KCNQ1OT1: variants seen among roughly 807,000 people sequenced by gnomAD.
KCNQ1OT1 encodes the protein KCNQ1 opposite strand/antisense transcript 1, also known as KCNQ1 antisense RNA 2 (non-protein coding).
chr11:2,684,932 A>G, exon 1 of KCNQ1OT1: 1 of 398,692 alleles, frequency 2.5e-6, no homozygotes, highest in East Asian at 3.6e-5. Context: ...TGATCCATGC[A>G]GCATGTTATC....
chr11:2,684,272 G>T (rs565485755), exon 1 of KCNQ1OT1: 13 of 398,582 alleles, frequency 3.3e-5, no homozygotes, highest in African/African-American at 1.8e-4. Context: ...CAAAAGGGGA[G>T]TTGGTTAGGC....
exon 1 of KCNQ1OT1, chr11:2,616,546 ACTT>A: frequency 2.5e-6 from 1 of 397,800 alleles, no homozygotes; most frequent in Non-Finnish European, 4.4e-6. Flanking sequence ...TCCTCTGAGC[ACTT>A]CTTTCACTAC....
At chr11:2,692,476 G>C (rs1850605168) in exon 1 of KCNQ1OT1, 1 of 398,710 alleles carries the variant, frequency 2.5e-6, no homozygotes, top group East Asian at 3.6e-5. Flanking sequence ...CTGCCTTTCT[G>C]GTAGTTCAGA....
chr11:2,628,284 C>A, exon 1 of KCNQ1OT1: 1 of 398,584 alleles, frequency 2.5e-6, no homozygotes, highest in Non-Finnish European at 4.4e-6. Flanking sequence ...TTCTCCACAT[C>A]CTCACCAACA....
At chr11:2,646,362 A>G (rs896066140) in exon 1 of KCNQ1OT1, 1 of 398,620 alleles carries the variant, frequency 2.5e-6, no homozygotes, top group Non-Finnish European at 4.4e-6. Flanking sequence ...AAAATTTTGT[A>G]GCCTCTTCAA....
chr11:2,699,605 G>A (rs364930), exon 1 of KCNQ1OT1: 31,485 of 250,762 alleles, frequency 0.13, 1,713 homozygotes, highest in African/African-American at 0.36. Flanking sequence ...CGCGGCGAGA[G>A]GCCCCCGGAG....
exon 1 of KCNQ1OT1, chr11:2,646,155 C>T: frequency 2.5e-6 from 1 of 398,632 alleles, no homozygotes; most frequent in Non-Finnish European, 4.4e-6. Context: ...AGCATTCTCT[C>T]AGAGGCGATC....
At position 2,620,990 on chromosome 11, in the gene KCNQ1OT1, T is replaced by C; in HGVS notation, n.79005A>G. The C allele has an allele frequency of 2.5e-6, 1 of 397,916 alleles. No individual in the cohort carries two copies. The highest frequency in any genetic ancestry group is 4.4e-6 in the Non-Finnish European group (1 of 226,024). 24.6% of individuals were successfully genotyped at this position (397,916 alleles called of 1,614,324 possible). A position where few individuals can be genotyped will look rare whatever the true frequency, so the allele number is the denominator to read the frequency against. On this transcript the variant is annotated non_coding_transcript_exon_variant, in exon 1 of 1. Transcript: ENST00000597346. The surrounding 1 kb of genome is among the most constrained non-coding windows in gnomAD (Gnocchi z 4.5). ...TTTTGCTTTTTTGTTTGTTTGTTTG[T>C]TTTTTGAGAAAGAGTCTTGCTCTGT...
At chr11:2,681,676 T>TA in exon 1 of KCNQ1OT1, 1 of 324,926 alleles carries the variant, frequency 3.1e-6, no homozygotes, top group Non-Finnish European at 5.5e-6. Flanking sequence ...CCCTCACCCT[T>TA]AAAGACCAGG....
rs1590014311 is a variant in KCNQ1OT1, at chr11:2,661,350, A to G, written n.38645T>C. 2.5e-6 allele frequency: 1 copy of G among 405,232 alleles called. No individual in the cohort carries two copies. The highest frequency in any genetic ancestry group is 3.5e-5 in the East Asian group (1 of 28,348). The allele number at this position is 405,232 out of a possible 1,614,324, so 25.1% of individuals were successfully genotyped here. A position where few individuals can be genotyped will look rare whatever the true frequency, so the allele number is the denominator to read the frequency against. ...TCAGTATCCTGAGCTCCTGTGTCAA[A>G]GTTGCAGAGGTGGGCCCAGGAATCA... is the stretch of plus-strand genomic sequence containing the variant. On this transcript the variant is annotated non_coding_transcript_exon_variant, in exon 1 of 1. Transcript: ENST00000597346. The surrounding 1 kb of genome is among the most constrained non-coding windows in gnomAD (Gnocchi z 5.9).
exon 1 of KCNQ1OT1, chr11:2,633,493 T>C (rs1037833352): frequency 7.5e-6 from 3 of 398,492 alleles, no homozygotes; most frequent in Non-Finnish European, 1.3e-5. Flanking sequence ...CTAGTACTGT[T>C]TGCTTCAGGT....
At chr11:2,619,963 CA>C (rs71029152) in exon 1 of KCNQ1OT1, 225,387 of 397,570 alleles carry the variant, frequency 0.57, 65,999 homozygotes, top group East Asian at 0.75. Context: ...ATAAGCCTAT[CA>C]CCCAGGTAGT....
At chr11:2,656,436 G>T (rs900377520) in exon 1 of KCNQ1OT1, 1 of 398,632 alleles carries the variant, frequency 2.5e-6, no homozygotes, top group Admixed American at 4.4e-5. Context: ...TCCTGGCTGT[G>T]ACTAAGTAAT....
exon 1 of KCNQ1OT1, chr11:2,610,529 C>T: frequency 2.5e-6 from 1 of 398,290 alleles, no homozygotes; most frequent in South Asian, 1.3e-4. Flanking sequence ...TATTTACCTC[C>T]TTGCTCTTTG....
rs1009909931 is a variant in KCNQ1OT1 at position 2,627,481 on chromosome 11, C to T, written n.72514G>A. 1 of 398,338 alleles carries T rather than the reference C, an allele frequency of 2.5e-6. No individual in the cohort carries two copies. The highest frequency in any genetic ancestry group is 2.1e-5 in the African/African-American group (1 of 48,596). The allele number at this position is 398,338 out of a possible 1,614,324, so 24.7% of individuals were successfully genotyped here. On this transcript the variant is annotated non_coding_transcript_exon_variant, in exon 1 of 1. Transcript: ENST00000597346. This position sits in a 1 kb window ranked among gnomAD's most constrained non-coding sequence, Gnocchi z 4.9. The stretch of plus-strand genomic sequence containing the variant: ...CCCCTACTCCCTGACCCCTAGTAAC[C>T]ACCCTTCTACTCTCCGTTTCTCTGA...
In KCNQ1OT1 at chr11:2,687,948, G is replaced by A. The variant is rs1267456822; in HGVS notation, n.12047C>T. 5.0e-6 allele frequency: 2 copies of A among 398,652 alleles called. No homozygotes were observed. Among genetic ancestry groups the A allele is most frequent in the Admixed American group, 4.4e-5 (1 of 22,718 alleles). 24.7% of individuals were successfully genotyped at this position (398,652 alleles called of 1,614,324 possible). A position where few individuals can be genotyped will look rare whatever the true frequency, so the allele number is the denominator to read the frequency against. On this transcript the variant is annotated non_coding_transcript_exon_variant, in exon 1 of 1. Transcript: ENST00000597346. The surrounding 1 kb of genome is among the most constrained non-coding windows in gnomAD (Gnocchi z 5.0). Reference sequence around the variant, plus strand: ...AGGCTGCACTTCTCCCACCCGCTGTGGGTCAGCCAGGCCGCTGCTTCCTGC... The same window carrying A: ...AGGCTGCACTTCTCCCACCCGCTGTAGGTCAGCCAGGCCGCTGCTTCCTGC...
chr11:2,687,969 C>T lies in KCNQ1OT1; in HGVS notation n.12026G>A, dbSNP rs1850519784. The T allele has an allele frequency of 2.5e-6, 1 of 398,788 alleles. No individual in the cohort carries two copies. Among genetic ancestry groups the T allele is most frequent in the East Asian group, 3.6e-5 (1 of 28,082 alleles). The allele number at this position is 398,788 out of a possible 1,614,324, so 24.7% of individuals were successfully genotyped here. A position where few individuals can be genotyped will look rare whatever the true frequency, so the allele number is the denominator to read the frequency against. On this transcript the variant is annotated non_coding_transcript_exon_variant, in exon 1 of 1. Transcript: ENST00000597346. This position sits in a 1 kb window ranked among gnomAD's most constrained non-coding sequence, Gnocchi z 5.0. ...CTGTGGGTCAGCCAGGCCGCTGCTT[C>T]CTGCTTCCCTTTGATGTCTCCTCGT...
rs530607891 is a variant in KCNQ1OT1, at chr11:2,651,384, G to A, written n.48611C>T. On this transcript the variant is annotated non_coding_transcript_exon_variant, in exon 1 of 1. Transcript: ENST00000597346. The surrounding 1 kb of genome is among the most constrained non-coding windows in gnomAD (Gnocchi z 6.1). ...ATCTTTCACTAGTGAGTGCTGCCCC[G>A]GTGGTGGCTCACTTTCCATTCCTTT... 14 of 398,714 alleles carry A rather than the reference G, an allele frequency of 3.5e-5. No homozygotes were observed. The Admixed American group carries it at 3.5e-4, about 10-fold the overall frequency. 24.7% of individuals were successfully genotyped at this position (398,714 alleles called of 1,614,324 possible).
At chr11:2,641,067 G>C (rs1564842350) in exon 1 of KCNQ1OT1, 3 of 398,444 alleles carry the variant, frequency 7.5e-6, no homozygotes, top group Non-Finnish European at 1.3e-5. Flanking sequence ...TTTATCCACT[G>C]ATGTACACTT....
Sources: gnomAD v4.1 joint callset for allele counts on GRCh38, gnomAD v4.1.1 for gene constraint, Gnocchi (gnomAD v3.1) non-coding constraint, MANE v1.5 for transcripts, NCBI Gene and HGNC (gene_info 2026-07-23, HGNC 2026-07-21) for gene names.